GNE: variants seen among roughly 807,000 people sequenced by gnomAD.
GNE encodes glucosamine (UDP-N-acetyl)-2-epimerase/N-acetylmannosamine kinase.
GNE carries 41 observed loss-of-function variants against 61.8 expected under a neutral mutation model. The ratio of observed to expected loss-of-function variants is 0.66; its 90% confidence interval spans 0.52 to 0.86. The LOEUF is 0.86. Ranked by LOEUF, GNE falls within the 40% of genes least tolerant of loss-of-function variation. The probability of loss-of-function intolerance (pLI) is 0.00; values close to 1 mark genes in which losing one functional copy is unlikely to be tolerated. For synonymous variants in GNE, 264 were observed against 326.4 expected (o/e 0.81, Z 2.06); for missense variants, 608 against 909.1 (o/e 0.67, Z 4.26).
intron 3 of GNE, among the ~76,000 whole-genome samples, chr9:36,245,306 C>T (rs1007885167): frequency 6.6e-6 from 1 of 151,752 alleles, no homozygotes; most frequent in Admixed American, 6.6e-5. Context: ...ATAAAAACAC[C>T]CATAATCCCA....
At chr9:36,237,412 A>G (rs923657850) in intron 3 of GNE, among the ~76,000 whole-genome samples, 3 of 152,234 alleles carry the variant, frequency 2.0e-5, no homozygotes, top group Admixed American at 1.3e-4. Flanking sequence ...CCTAGAATGC[A>G]CAGGAGCTTT....
intron 1 of GNE, among the ~76,000 whole-genome samples, chr9:36,249,815 C>T (rs1218654170): frequency 1.3e-5 from 2 of 151,424 alleles, no homozygotes; most frequent in African/African-American, 2.4e-5. Flanking sequence ...ACCCAGGAGG[C>T]GGAGCTTGCA....
At chr9:36,228,478 T>C (rs1828992289) in intron 6 of GNE, among the ~76,000 whole-genome samples, 1 of 151,956 alleles carries the variant, frequency 6.6e-6, no homozygotes, top group South Asian at 2.1e-4. Context: ...GTAGCAAAAG[T>C]GTTGTATTAA....
Position 36,217,319 on chromosome 9 carries a change from CCA to C in GNE, c.*44_*45del. 8.0e-7 allele frequency: 1 copy of C among 1,257,598 alleles called. No homozygotes were observed. The highest frequency in any genetic ancestry group is 1.2e-6 in the Non-Finnish European group (1 of 863,180). The allele number at this position is 1,257,598 out of a possible 1,614,324, so 77.9% of individuals were successfully genotyped here. ...TCATCCTAAAGACAAGAACTTGATT[CCA>C]CTCAGGAGCTCTGGAGAGAAGGTCC... is the stretch of plus-strand genomic sequence containing the variant. On this transcript the variant is annotated 3_prime_UTR_variant, in exon 12 of 12. Coordinates refer to ENST00000642385, the MANE Select transcript of GNE (RefSeq NM_005476.7).
chr9:36,254,026 G>C (rs1224892899), intron 1 of GNE, among the ~76,000 whole-genome samples: 1 of 151,662 alleles, frequency 6.6e-6, no homozygotes, highest in Non-Finnish European at 1.5e-5. Flanking sequence ...GACTGATCGA[G>C]ACTCCATTTC....
At chr9:36,232,698 A>G (rs1402323367) in intron 5 of GNE, among the ~76,000 whole-genome samples, 1 of 152,216 alleles carries the variant, frequency 6.6e-6, no homozygotes, top group East Asian at 1.9e-4. Flanking sequence ...AATGGAGTCC[A>G]TCATATACCT....
At chr9:36,276,304 C>T (rs1437787474) in intron 1 of GNE, among the ~76,000 whole-genome samples, 1 of 152,128 alleles carries the variant, frequency 6.6e-6, no homozygotes, top group Non-Finnish European at 1.5e-5. Flanking sequence ...TTTCCATATG[C>T]CTCAATGAAA....
intron 9 of GNE, among the ~76,000 whole-genome samples, chr9:36,221,181 T>C (rs1828571241): frequency 6.6e-6 from 1 of 152,146 alleles, no homozygotes; most frequent in African/African-American, 2.4e-5. Flanking sequence ...ATTAGCCGGG[T>C]GTGGTGGCAC....
chr9:36,266,886 A>G (rs7855945), intron 1 of GNE, among the ~76,000 whole-genome samples: 118,424 of 151,218 alleles, frequency 0.78, 46,949 homozygotes, highest in African/African-American at 0.85. Context: ...GTGACAAAGT[A>G]AGACTCCGTC....
chr9:36,246,696 T>A (rs1829893754), intron 2 of GNE, among the ~76,000 whole-genome samples: 1 of 143,532 alleles, frequency 7.0e-6, no homozygotes, highest in Non-Finnish European at 1.5e-5. Context: ...TGAGATGAAG[T>A]CTTGCTCTGT....
chr9:36,244,781 C>CA (rs36022958), intron 3 of GNE, among the ~76,000 whole-genome samples: 5,303 of 145,578 alleles, frequency 0.036, 146 homozygotes, highest in Middle Eastern at 0.056. Context: ...ACTAAAAATA[C>CA]AAAAAAAAAT....
At chr9:36,223,606 G>T in intron 7 of GNE, 104 bp from the exon 8 acceptor site, 1 of 1,218,958 alleles carries the variant, frequency 8.2e-7, no homozygotes, top group Non-Finnish European at 1.2e-6. Context: ...CTATAGGATG[G>T]CCCCGCAGTC....
In GNE at chr9:36,227,102, G is replaced by A. The variant is rs550449899; in HGVS notation, c.1281+146C>T. 332 of 686,370 alleles carry A rather than the reference G, an allele frequency of 4.8e-4. 2 individuals carry two copies. Among genetic ancestry groups the A allele is most frequent in the African/African-American group, 4.5e-3 (253 of 55,652 alleles). The allele number at this position is 686,370 out of a possible 1,614,324, so 42.5% of individuals were successfully genotyped here. A position where few individuals can be genotyped will look rare whatever the true frequency, so the allele number is the denominator to read the frequency against. On this transcript the variant is annotated intron_variant, in intron 7 of 11. Coordinates refer to ENST00000642385, the MANE Select transcript of GNE (RefSeq NM_005476.7). ...TCAGTAAAATAGTGAGACAAACATT[G>A]TAAAGGATCCACAAGTCAATACTAT...
chr9:36,246,541 T>C (rs1045345334), intron 2 of GNE, 59 bp from the exon 3 acceptor site: 30 of 1,240,352 alleles, frequency 2.4e-5, no homozygotes, highest in Non-Finnish European at 3.4e-5. Flanking sequence ...AGCCGTAACA[T>C]GCAAGAAAAG....
In GNE at chr9:36,222,968, C is replaced by T. The variant is rs138357804; in HGVS notation, c.1442G>A (p.Arg481Gln). 65 of 1,614,032 alleles carry T rather than the reference C, an allele frequency of 4.0e-5. No individual in the cohort carries two copies. Among genetic ancestry groups the T allele is most frequent in the East Asian group, 2.0e-4 (9 of 44,884 alleles). Reference protein sequence around the residue: ...GISTGGRVNPREGIVLHSTKL... With the variant: ...GISTGGRVNPQEGIVLHSTKL... ...GGTTGAATGCAGCACAATTCCTTCC[C>T]GAGGATTTACACGGCCACCTGTGGA... Residue 481 changes from arginine to glutamine, a missense_variant, in exon 9 of 12, where the codon CGG becomes CAG. Transcript: ENST00000642385.
At chr9:36,253,586 T>C (rs1214295993) in intron 1 of GNE, among the ~76,000 whole-genome samples, 1 of 151,868 alleles carries the variant, frequency 6.6e-6, no homozygotes, top group Non-Finnish European at 1.5e-5. Flanking sequence ...CCACAAATCT[T>C]ACTTTTTAAA....
chr9:36,274,288 G>T (rs1320900671), intron 1 of GNE, among the ~76,000 whole-genome samples: 1 of 152,084 alleles, frequency 6.6e-6, no homozygotes, highest in South Asian at 2.1e-4. Flanking sequence ...TAGAACTAGG[G>T]TCTCGCTATG....
upstream of GNE, among the ~76,000 whole-genome samples, chr9:36,259,270 T>C (rs1830530238): frequency 3.9e-5 from 6 of 152,198 alleles, no homozygotes; most frequent in South Asian, 1.2e-3. Flanking sequence ...CCCAGCATTT[T>C]AGGAAGCCAA....
In GNE at chr9:36,274,576, G is replaced by GA. The variant is rs545826952; in HGVS notation, c.51+2317dup. 4.1e-3 allele frequency among the ~76,000 whole-genome samples: 623 copies of GA among 152,196 alleles called. 2 individuals are homozygous for GA. Among genetic ancestry groups the GA allele is most frequent in the Non-Finnish European group, 5.7e-3 (389 of 68,006 alleles). ...TACATCCTGGGCTTGCAAGACACCT[G>GA]ATTTCCTGCCTACTTCCAACTTCTC... is the stretch of plus-strand genomic sequence containing the variant. On this transcript the variant is annotated intron_variant, in intron 1 of 11. Transcript: ENST00000396594.
Sources: allele counts gnomAD v4.1 joint callset (sites outside exome capture counted in the v4.1 genomes callset), GRCh38; gene constraint gnomAD v4.1.1; transcripts MANE v1.5; gene names NCBI Gene and HGNC (gene_info 2026-07-23, HGNC 2026-07-21).